The following WWOX variants were observed in gnomAD, a reference collection of about 807,000 sequenced individuals.
WWOX encodes WW domain containing oxidoreductase.
A neutral mutation model predicts 46.2 loss-of-function variants in WWOX; 69 were observed. The ratio of observed to expected loss-of-function variants is 1.49; its 90% CI spans 1.23 to 1.82. WWOX has a LOEUF of 1.82. Among genes scored for constraint, WWOX ranks in the 40% most tolerant of loss-of-function variants. WWOX has a pLI of 0.00. For missense variants in WWOX, 919 were observed against 542.6 expected, an observed-to-expected ratio of 1.69 and a Z score of -6.89; for synonymous variants, 359 against 202.6, an observed-to-expected ratio of 1.77 and a Z score of -6.56.
intron 8 of WWOX, among the ~76,000 whole-genome samples, chr16:78,600,140 G>C (rs2045586840): frequency 6.6e-6 from 1 of 152,072 alleles, no homozygotes; most frequent in Non-Finnish European, 1.5e-5. Flanking sequence ...GATCTCGTGA[G>C]ACTTGTTCAC....
chr16:78,242,974 C>G, intron 5 of WWOX, among the ~76,000 whole-genome samples: 1 of 152,066 alleles, frequency 6.6e-6, no homozygotes, highest in East Asian at 1.9e-4. Context: ...CACCACTGCA[C>G]TCCAGCCTGG....
chr16:78,547,249 CTA>C (rs2044062754), intron 8 of WWOX, among the ~76,000 whole-genome samples: 1 of 150,396 alleles, frequency 6.6e-6, no homozygotes, highest in Non-Finnish European at 1.5e-5. Context: ...ATTGGAGACA[CTA>C]TAACAAATGC....
At chr16:78,680,954 C>G (rs1034186341) in intron 8 of WWOX, among the ~76,000 whole-genome samples, 1 of 151,902 alleles carries the variant, frequency 6.6e-6, no homozygotes, top group African/African-American at 2.4e-5. Flanking sequence ...CTACAAAAAA[C>G]TAAAAAAATT....
At chr16:78,916,105 C>G (rs916733732) in intron 8 of WWOX, among the ~76,000 whole-genome samples, 6 of 152,158 alleles carry the variant, frequency 3.9e-5, no homozygotes, top group African/African-American at 1.4e-4. Context: ...AGATTCCCAG[C>G]ACAGTGTACT....
At chr16:79,048,723 C>A (rs2048111505) in intron 8 of WWOX, among the ~76,000 whole-genome samples, 1 of 152,120 alleles carries the variant, frequency 6.6e-6, no homozygotes, top group Non-Finnish European at 1.5e-5. Flanking sequence ...ATTGTCTTGC[C>A]TGCAGCAGAT....
chr16:79,199,917 A>C lies in WWOX; in HGVS notation c.1057-11691A>C, dbSNP rs567658414. The stretch of plus-strand genomic sequence containing the variant: ...GAGGGCAGGGGCAGGGAGAAGAATA[A>C]GATGTTCCTTGGTGTACCCCATTGT... On this transcript the variant is annotated intron_variant, in intron 8 of 8. Transcript: ENST00000566780. 1.1e-4 allele frequency among the ~76,000 whole-genome samples: 17 copies of C among 152,282 alleles called. No individual in the cohort carries two copies. In the East Asian group the frequency reaches 3.1e-3, roughly 28 times the overall value.
intron 8 of WWOX, among the ~76,000 whole-genome samples, chr16:78,704,992 A>G (rs956317309): frequency 5.3e-5 from 8 of 150,952 alleles, no homozygotes; most frequent in African/African-American, 1.5e-4. Context: ...CCTGTCCGCC[A>G]TTTAACATTT....
At chr16:78,194,528 C>G (rs2035986420) in intron 5 of WWOX, among the ~76,000 whole-genome samples, 1 of 142,680 alleles carries the variant, frequency 7.0e-6, no homozygotes, top group East Asian at 2.1e-4. Context: ...GCAGAGGTTG[C>G]AGTGAGCTGA....
At chr16:78,487,122 A>G (rs1036806202) in intron 8 of WWOX, among the ~76,000 whole-genome samples, 1 of 152,254 alleles carries the variant, frequency 6.6e-6, no homozygotes, top group Non-Finnish European at 1.5e-5. Context: ...AGATGATTCT[A>G]TAACAACAGC....
chr16:78,602,129 C>T (rs955982187), intron 8 of WWOX, among the ~76,000 whole-genome samples: 5 of 152,208 alleles, frequency 3.3e-5, no homozygotes, highest in African/African-American at 9.7e-5. Flanking sequence ...ACTAATCACA[C>T]TAGTAGAATC....
In WWOX at chr16:78,566,892, C is replaced by G. The variant is rs181331061; in HGVS notation, c.1056+134140C>G. 8.9e-4 allele frequency among the ~76,000 whole-genome samples: 136 copies of G among 152,258 alleles called. 2 individuals carry two copies. The highest frequency in any genetic ancestry group is 3.1e-3 in the African/African-American group (128 of 41,542). ...TGAAAGAATTGAAGATCAAAGGGGT[C>G]ACGTCTCTGTGAATAGTATTAGTAA... On this transcript the variant is annotated intron_variant, in intron 8 of 8. Transcript: ENST00000566780.
intron 8 of WWOX, among the ~76,000 whole-genome samples, chr16:78,837,545 TTTA>T (rs1221372860): frequency 6.6e-6 from 1 of 152,282 alleles, no homozygotes; most frequent in South Asian, 2.1e-4. Context: ...GATACTTTTT[TTTA>T]TTATTATTTT....
intron 8 of WWOX, among the ~76,000 whole-genome samples, chr16:78,549,215 T>C (rs927074676): frequency 1.3e-5 from 2 of 152,262 alleles, no homozygotes; most frequent in Non-Finnish European, 1.5e-5. Context: ...AAGGCAGAAT[T>C]AAAATCTGCA....
intron 8 of WWOX, among the ~76,000 whole-genome samples, chr16:78,714,010 T>C (rs181555797): frequency 4.6e-5 from 7 of 152,184 alleles, no homozygotes; most frequent in Non-Finnish European, 1.0e-4. Context: ...TCCGTGACAC[T>C]GCATTTGGGG....
intron 6 of WWOX, among the ~76,000 whole-genome samples, chr16:78,388,937 C>A (rs1053084377): frequency 6.6e-6 from 1 of 151,094 alleles, no homozygotes; most frequent in East Asian, 1.9e-4. Context: ...CCAGTGCACT[C>A]CAGCCCGGGT....
intron 8 of WWOX, among the ~76,000 whole-genome samples, chr16:79,192,563 G>A (rs2051158149): frequency 2.0e-5 from 3 of 152,194 alleles, no homozygotes; most frequent in Admixed American, 1.3e-4. Flanking sequence ...TCAAGGAAAG[G>A]TTTAGCATGG....
intron 8 of WWOX, among the ~76,000 whole-genome samples, chr16:78,693,998 C>T (rs554009750): frequency 2.6e-5 from 4 of 152,138 alleles, no homozygotes; most frequent in Admixed American, 6.5e-5. Context: ...TTTAGGAGGC[C>T]GAGGCAGGTG....
chr16:78,288,542 G>C (rs1427964325), intron 5 of WWOX, among the ~76,000 whole-genome samples: 1 of 152,148 alleles, frequency 6.6e-6, no homozygotes, highest in Non-Finnish European at 1.5e-5. Context: ...TATATTTCTT[G>C]CCTCTCTTTC....
intron 5 of WWOX, among the ~76,000 whole-genome samples, chr16:78,234,559 T>C (rs879714649): frequency 4.6e-5 from 7 of 152,198 alleles, no homozygotes; most frequent in Admixed American, 1.3e-4. Flanking sequence ...AAGGGTAATC[T>C]TTAGAACCGA....
Sources: gnomAD v4.1 joint callset for allele counts (sites outside exome capture counted in the v4.1 genomes callset) on GRCh38, gnomAD v4.1.1 for gene constraint, MANE v1.5 for transcripts, NCBI Gene and HGNC (gene_info 2026-07-23, HGNC 2026-07-21) for gene names.